PTH2R: variants seen among roughly 807,000 people sequenced by gnomAD.
PTH2R encodes the protein PTH2 receptor.
A neutral mutation model predicts 60.3 loss-of-function variants in PTH2R; 59 were observed. The observed-to-expected ratio is 0.98, with a 90% CI of 0.79 to 1.22. The LOEUF (loss-of-function observed/expected upper bound fraction) is 1.22, where lower values mean the gene tolerates loss of function less well. PTH2R is among the 50% of genes most tolerant of loss of function. The pLI is 0.00. For synonymous variants in PTH2R, 256 were observed against 243.8 expected (o/e 1.05, Z -0.47); for missense variants, 749 against 682.6 (o/e 1.10, Z -1.08).
intron 1 of PTH2R, among the ~76,000 whole-genome samples, chr2:208,413,741 T>C (rs1354653384): frequency 6.6e-6 from 1 of 152,184 alleles, no homozygotes; most frequent in Non-Finnish European, 1.5e-5. Flanking sequence ...CAACTAAAAG[T>C]GTAAGGGTTG....
At chr2:208,396,053 A>C (rs1701202555) in intron 1 of PTH2R, among the ~76,000 whole-genome samples, 1 of 152,238 alleles carries the variant, frequency 6.6e-6, no homozygotes, top group African/African-American at 2.4e-5. Context: ...AAAAACAAGA[A>C]ATAGGGAAAG....
chr2:208,448,582 C>A (rs750805426), intron 7 of PTH2R, among the ~76,000 whole-genome samples: 1 of 149,176 alleles, frequency 6.7e-6, no homozygotes, highest in East Asian at 2.0e-4. Context: ...TGCAGTGAGC[C>A]GGGATCATGC....
intron 1 of PTH2R, among the ~76,000 whole-genome samples, chr2:208,377,395 C>T (rs1410211700): frequency 6.6e-6 from 1 of 152,092 alleles, no homozygotes; most frequent in Non-Finnish European, 1.5e-5. Context: ...GGTACACCTC[C>T]CAGACGGGGT....
At chr2:208,473,625 C>A (rs1212654100) in intron 9 of PTH2R, among the ~76,000 whole-genome samples, 2 of 152,122 alleles carry the variant, frequency 1.3e-5, no homozygotes, top group Non-Finnish European at 2.9e-5. Context: ...CTAGCTCTGT[C>A]TTCCCTGTGT....
chr2:208,487,102 A>G (rs1703290634), intron 10 of PTH2R, among the ~76,000 whole-genome samples: 1 of 152,212 alleles, frequency 6.6e-6, no homozygotes, highest in African/African-American at 2.4e-5. Context: ...TTTATGGGAC[A>G]TTCTAGCTCC....
intron 10 of PTH2R, among the ~76,000 whole-genome samples, chr2:208,482,102 T>C (rs1703166023): frequency 6.6e-6 from 1 of 152,214 alleles, no homozygotes; most frequent in African/African-American, 2.4e-5. Context: ...TCTCAGATTG[T>C]TATGAAATGC....
intron 8 of PTH2R, among the ~76,000 whole-genome samples, chr2:208,453,475 A>G (rs572942067): frequency 5.3e-5 from 8 of 152,256 alleles, no homozygotes; most frequent in African/African-American, 1.9e-4. Context: ...TTTCTTATCT[A>G]TCATCTTATT....
intron 7 of PTH2R, among the ~76,000 whole-genome samples, chr2:208,445,632 G>T (rs1189153989): frequency 1.3e-5 from 2 of 152,134 alleles, no homozygotes; most frequent in Non-Finnish European, 2.9e-5. Flanking sequence ...ATTTAAATTA[G>T]GAGGTGCTCA....
At chr2:208,382,648 A>G (rs915465628) in intron 1 of PTH2R, among the ~76,000 whole-genome samples, 2 of 152,190 alleles carry the variant, frequency 1.3e-5, no homozygotes, top group African/African-American at 4.8e-5. Context: ...ATAAATTGGT[A>G]GATTCATCTG....
upstream of PTH2R, among the ~76,000 whole-genome samples, chr2:208,403,057 G>C (rs1701339258): frequency 6.6e-6 from 1 of 152,112 alleles, no homozygotes; most frequent in Non-Finnish European, 1.5e-5. Flanking sequence ...TATCTCTAAG[G>C]CTTGTTTGGG....
At chr2:208,493,222 C>T (rs547561105) in intron 12 of PTH2R, 42 bp from the exon 13 acceptor site, 9 of 1,456,052 alleles carry the variant, frequency 6.2e-6, no homozygotes, top group Admixed American at 5.1e-5. Context: ...TGCAGGGTCT[C>T]CTTTAGGATT....
chr2:208,383,872 T>G (rs1700959992), intron 1 of PTH2R, among the ~76,000 whole-genome samples: 1 of 152,174 alleles, frequency 6.6e-6, no homozygotes, highest in Non-Finnish European at 1.5e-5. Flanking sequence ...ATCTCCATGC[T>G]GAGTGTCTGT....
chr2:208,366,706 T>C (rs1700600192), intron 1 of PTH2R, among the ~76,000 whole-genome samples: 1 of 152,190 alleles, frequency 6.6e-6, no homozygotes, highest in African/African-American at 2.4e-5. Context: ...CTTGATACCA[T>C]TGTACCTTGA....
chr2:208,425,823 C>A (rs1267291599), intron 1 of PTH2R, among the ~76,000 whole-genome samples: 1 of 152,194 alleles, frequency 6.6e-6, no homozygotes, highest in East Asian at 1.9e-4. Flanking sequence ...GAGTTTCCAG[C>A]TTCTTTTACT....
At chr2:208,420,803 C>T (rs1456409092) in intron 1 of PTH2R, among the ~76,000 whole-genome samples, 1 of 152,166 alleles carries the variant, frequency 6.6e-6, no homozygotes, top group Non-Finnish European at 1.5e-5. Context: ...TGGTTTTATA[C>T]ATACTTGTGT....
In PTH2R at chr2:208,443,433, A is replaced by G. The variant is rs893762360; in HGVS notation, c.595A>G (p.Arg199Gly). The G allele has an allele frequency of 1.9e-6, 3 of 1,613,646 alleles. No individual in the cohort carries two copies. The highest frequency in any genetic ancestry group is 2.2e-5 in the East Asian group (1 of 44,856). Residue 199 changes from arginine to glycine, a missense_variant, in exon 6 of 13, where the codon AGA becomes GGA. Physicochemically the swap from Arg to Gly is moderately radical, Grantham distance 125. Coordinates refer to ENST00000272847, the MANE Select transcript of PTH2R (RefSeq NM_005048.4). ...AGCTACAAGCATCTTTGTCAAAGAC[A>G]GAGTAGTCCATGCTCACATAGGAGT... is the stretch of plus-strand genomic sequence containing the variant. ...LRATSIFVKD[R>G]VVHAHIGVKE...
chr2:208,438,431 C>T (rs1702120830), intron 4 of PTH2R, among the ~76,000 whole-genome samples: 1 of 152,114 alleles, frequency 6.6e-6, no homozygotes, highest in African/African-American at 2.4e-5. Context: ...CAACTGAGAA[C>T]CCGAGATTAG....
intron 1 of PTH2R, among the ~76,000 whole-genome samples, chr2:208,373,295 T>C (rs1449133117): frequency 6.6e-6 from 1 of 152,108 alleles, no homozygotes; most frequent in Non-Finnish European, 1.5e-5. Flanking sequence ...AAGAATTTTT[T>C]TCTTTTTGTA....
chr2:208,372,921 C>T (rs1420392131), intron 1 of PTH2R, among the ~76,000 whole-genome samples: 1 of 151,922 alleles, frequency 6.6e-6, no homozygotes, highest in Non-Finnish European at 1.5e-5. Flanking sequence ...CCCGTCTCCA[C>T]CAAAAATACA....
Sources: allele counts gnomAD v4.1 joint callset (sites outside exome capture counted in the v4.1 genomes callset), GRCh38; gene constraint gnomAD v4.1.1; transcripts MANE v1.5; gene names NCBI Gene and HGNC (gene_info 2026-07-23, HGNC 2026-07-21).